Variants in KALRN observed in about 807,000 individuals in gnomAD.
KALRN encodes the protein kalirin RhoGEF kinase.
In KALRN, 70 loss-of-function variants were observed where a neutral mutation model predicts 353.7. The observed-to-expected ratio is 0.20, with a 90% confidence interval of 0.16 to 0.24. The LOEUF (loss-of-function observed/expected upper bound fraction) is 0.24, where lower values mean the gene tolerates loss of function less well. Ranked by LOEUF, KALRN falls within the 10% of genes least tolerant of loss-of-function variation. The probability of loss-of-function intolerance (pLI) is 1.00; values close to 1 mark genes in which losing one functional copy is unlikely to be tolerated. For missense variants in KALRN, 2,791 were observed against 3,756.7 expected (o/e 0.74, Z 6.72); for synonymous variants, 1,391 against 1,434.8 (o/e 0.97, Z 0.69).
At chr3:124,036,788 C>T (rs763254467) in intron 1 of KALRN, among the ~76,000 whole-genome samples, 1 of 152,206 alleles carries the variant, frequency 6.6e-6, no homozygotes, top group Non-Finnish European at 1.5e-5. Context: ...TTCTGGCATA[C>T]TGTGCTTCTA....
intron 1 of KALRN, chr3:124,163,774 C>T: frequency 1.0e-6 from 1 of 985,450 alleles, no homozygotes; most frequent in Non-Finnish European, 1.2e-6. Flanking sequence ...AAGTTCTCTC[C>T]TTCTCCTTCC....
At chr3:124,400,042 C>T (rs934402322) in intron 13 of KALRN, among the ~76,000 whole-genome samples, 2 of 152,152 alleles carry the variant, frequency 1.3e-5, no homozygotes, top group Admixed American at 1.3e-4. Context: ...CTTTGTTTTC[C>T]ATTCCAACCA....
intron 5 of KALRN, among the ~76,000 whole-genome samples, chr3:124,290,144 C>G (rs1303268189): frequency 6.6e-6 from 1 of 152,042 alleles, no homozygotes; most frequent in African/African-American, 2.4e-5. Flanking sequence ...GAAGAAAATT[C>G]AAGTATGTGA....
At chr3:124,464,348 A>G (rs566159880) in intron 25 of KALRN, among the ~76,000 whole-genome samples, 9 of 152,248 alleles carry the variant, frequency 5.9e-5, no homozygotes, top group Non-Finnish European at 1.2e-4. Flanking sequence ...ACATTTCCAA[A>G]TTGATCACTT....
At chr3:124,426,901 C>T (rs1163954543) in intron 15 of KALRN, among the ~76,000 whole-genome samples, 1 of 152,196 alleles carries the variant, frequency 6.6e-6, no homozygotes, top group Non-Finnish European at 1.5e-5. Context: ...TCCTGCAAAG[C>T]AGTGCATTTA....
At chr3:124,195,840 C>T (rs568984679) in intron 1 of KALRN, among the ~76,000 whole-genome samples, 190 of 152,342 alleles carry the variant, frequency 1.2e-3, no homozygotes, top group African/African-American at 4.4e-3. Flanking sequence ...CAGACGCTTG[C>T]ATCAAACTCA....
At chr3:124,664,366 T>TGCGCGCGC (rs1454191492) in intron 45 of KALRN, among the ~76,000 whole-genome samples, 71 of 126,926 alleles carry the variant, frequency 5.6e-4, no homozygotes, top group Admixed American at 1.8e-3. Flanking sequence ...TGTGTGTGTG[T>TGCGCGCGC]GTGTGCGCGC....
chr3:124,144,371 T>G (rs563205683), intron 1 of KALRN, among the ~76,000 whole-genome samples: 33 of 152,170 alleles, frequency 2.2e-4, no homozygotes, highest in Non-Finnish European at 4.0e-4. Context: ...TAGGAAGGGG[T>G]AGTGGGTACT....
chr3:124,712,540 T>C (rs1446447004), intron 57 of KALRN, among the ~76,000 whole-genome samples: 2 of 151,150 alleles, frequency 1.3e-5, no homozygotes, highest in Non-Finnish European at 2.9e-5. Context: ...ACACCTGTAA[T>C]CCCAGCGCTT....
At chr3:124,128,490 A>C (rs576848660) in intron 1 of KALRN, among the ~76,000 whole-genome samples, 1 of 152,174 alleles carries the variant, frequency 6.6e-6, no homozygotes, top group Admixed American at 6.6e-5. Context: ...GCTCAATGCC[A>C]TTTCACTTGT....
chr3:124,115,735 T>G (rs1014482411), intron 1 of KALRN, among the ~76,000 whole-genome samples: 9 of 152,182 alleles, frequency 5.9e-5, no homozygotes, highest in Non-Finnish European at 1.0e-4. Context: ...GTGGTTTGGG[T>G]GTTAGCTAGG....
intron 6 of KALRN, among the ~76,000 whole-genome samples, chr3:124,312,032 C>G (rs138237950): frequency 1.3e-5 from 2 of 152,274 alleles, no homozygotes; most frequent in African/African-American, 4.8e-5. Flanking sequence ...CTAATAGGTA[C>G]AGAGTTTCTT....
chr3:124,688,879 T>A (rs1255117023), intron 51 of KALRN, among the ~76,000 whole-genome samples: 1 of 152,226 alleles, frequency 6.6e-6, no homozygotes, highest in Admixed American at 6.5e-5. Flanking sequence ...TACCTGTAAC[T>A]CTTTCCTCTT....
rs369433018 is a variant in KALRN, at chr3:124,456,603, T to C, written c.3736-7T>C. 24 of 1,601,678 alleles carry C rather than the reference T, an allele frequency of 1.5e-5. No individual in the cohort carries two copies. Among genetic ancestry groups the C allele is most frequent in the East Asian group, 2.2e-5 (1 of 44,666 alleles). ...CAAGGTGACCTTTGTGATCCCTCCA[T>C]GTGCAGGATAATAAGGACCTGGAGC... On this transcript the variant is annotated splice_polypyrimidine_tract_variant and splice_region_variant and intron_variant, in intron 22 of 59. Transcript: ENST00000682506.
intron 33 of KALRN, among the ~76,000 whole-genome samples, chr3:124,500,440 T>C (rs1438344019): frequency 1.3e-5 from 2 of 152,226 alleles, no homozygotes; most frequent in Non-Finnish European, 2.9e-5. Context: ...GGTCTGTAAC[T>C]TGGAAACCTC....
chr3:124,347,022 ACTG>A, intron 9 of KALRN, 118 bp from the exon 10 acceptor site: 1 of 1,448,804 alleles, frequency 6.9e-7, no homozygotes, highest in South Asian at 1.3e-5. Flanking sequence ...TTCCACCTGA[ACTG>A]CTGCTTTACA....
At chr3:124,584,009 A>G (rs4290840) in intron 34 of KALRN, among the ~76,000 whole-genome samples, 25,388 of 152,140 alleles carry the variant, frequency 0.17, 2,266 homozygotes, top group Middle Eastern at 0.2. Flanking sequence ...TCTATTAAAG[A>G]AAATTTTTTA....
chr3:124,340,119 G>A (rs928420875), intron 9 of KALRN, among the ~76,000 whole-genome samples: 3 of 152,142 alleles, frequency 2.0e-5, no homozygotes, highest in Non-Finnish European at 4.4e-5. Flanking sequence ...GTCAGGGGGT[G>A]GAAATAAAAC....
chr3:124,394,362 G>T (rs2089892265), intron 11 of KALRN, among the ~76,000 whole-genome samples: 1 of 152,152 alleles, frequency 6.6e-6, no homozygotes, highest in African/African-American at 2.4e-5. Flanking sequence ...TGAGCTCTCT[G>T]GCAGGCCACT....
Sources: allele counts gnomAD v4.1 joint callset (sites outside exome capture counted in the v4.1 genomes callset), GRCh38; gene constraint gnomAD v4.1.1; transcripts MANE v1.5; gene names NCBI Gene and HGNC (gene_info 2026-07-23, HGNC 2026-07-21).